NELL2: variants seen among roughly 807,000 people sequenced by gnomAD.
The protein encoded by NELL2 is neural EGFL like 2, also known as protein kinase C-binding protein NELL2.
NELL2 carries 41 observed loss-of-function variants against 109.6 expected under a neutral mutation model. That is an observed-to-expected ratio of 0.37 (90% confidence interval 0.29 to 0.49). The LOEUF is 0.49. NELL2 is among the 20% of genes least tolerant of loss of function. The pLI is 0.98. For synonymous variants in NELL2, 355 were observed against 344.7 expected, an observed-to-expected ratio of 1.03 and a Z score of -0.33; for missense variants, 900 against 1,008.3, an observed-to-expected ratio of 0.89 and a Z score of 1.45.
At chr12:44,868,382 T>C (rs1159134828) in intron 2 of NELL2, among the ~76,000 whole-genome samples, 3 of 152,200 alleles carry the variant, frequency 2.0e-5, no homozygotes, top group African/African-American at 7.2e-5. Flanking sequence ...ACAGATTTAC[T>C]GCGACCCTTA....
intron 13 of NELL2, among the ~76,000 whole-genome samples, chr12:44,664,198 C>T (rs17652016): frequency 0.16 from 25,008 of 151,954 alleles, 2,153 homozygotes; most frequent in East Asian, 0.21. Flanking sequence ...CGTCAAGAAA[C>T]TCTTCCACTC....
chr12:44,717,513 G>A (rs960350898), intron 9 of NELL2, among the ~76,000 whole-genome samples: 2 of 152,148 alleles, frequency 1.3e-5, no homozygotes, highest in Non-Finnish European at 2.9e-5. Context: ...TAATCCATAA[G>A]TTATATGGAA....
chr12:44,815,575 T>C (rs1943317144), intron 3 of NELL2, among the ~76,000 whole-genome samples: 2 of 152,234 alleles, frequency 1.3e-5, no homozygotes, highest in African/African-American at 4.8e-5. Context: ...TTACCTGTGT[T>C]TGTGATTTTT....
chr12:44,796,433 ATT>A lies in NELL2; in HGVS notation c.336-16413_336-16412del, dbSNP rs1942623344. Among the ~76,000 whole-genome samples, 7 of 152,196 alleles carry A rather than the reference ATT, an allele frequency of 4.6e-5. No individual in the cohort carries two copies. The South Asian group carries it at 1.5e-3, about 32-fold the overall frequency. On this transcript the variant is annotated intron_variant, in intron 3 of 19. Coordinates refer to ENST00000429094, the MANE Select transcript of NELL2 (RefSeq NM_001145108.2). ...CAATCAGAACTTCCTGACACAGACC[ATT>A]TTGTTTTTAATTTTAAATAATTTTT...
At position 44,741,569 on chromosome 12, in the gene NELL2, A is replaced by G. The variant is rs144173525; in HGVS notation, c.995-26828T>C. Among the ~76,000 whole-genome samples, 204 of 152,332 alleles carry G rather than the reference A, an allele frequency of 1.3e-3. 4 individuals carry two copies. In the East Asian group the frequency reaches 0.03, roughly 22 times the overall value. ...CCTTTCCTAGTCAAAGAAAGGGGTG[A>G]CAGACGGCACCTGGAAAATTGGGTC... On this transcript the variant is annotated intron_variant, in intron 9 of 19. Coordinates refer to ENST00000429094, the MANE Select transcript of NELL2 (RefSeq NM_001145108.2).
intron 2 of NELL2, among the ~76,000 whole-genome samples, chr12:44,819,262 G>A (rs1436096758): frequency 6.6e-6 from 1 of 152,130 alleles, no homozygotes; most frequent in African/African-American, 2.4e-5. Flanking sequence ...TTCTCTAGTG[G>A]CCATGTGGAA....
At chr12:44,757,582 AATG>A (rs946304152) in intron 9 of NELL2, among the ~76,000 whole-genome samples, 10 of 152,256 alleles carry the variant, frequency 6.6e-5, no homozygotes, top group Middle Eastern at 3.4e-3. Flanking sequence ...TTTTCTTTTT[AATG>A]ATGATAACAC....
chr12:44,650,753 GTCTTTCTTTCTT>G (rs34696718), intron 13 of NELL2, among the ~76,000 whole-genome samples: 4,264 of 150,348 alleles, frequency 0.028, 169 homozygotes, highest in African/African-American at 0.093. Flanking sequence ...AGAGGTCTCT[GTCTTTCTTTCTT>G]TCTTTCTTTC....
intron 13 of NELL2, among the ~76,000 whole-genome samples, chr12:44,622,879 T>C (rs1441981598): frequency 1.3e-5 from 2 of 152,138 alleles, no homozygotes; most frequent in African/African-American, 2.4e-5. Flanking sequence ...AAATACAAGA[T>C]AAAAGATAAT....
upstream of NELL2, among the ~76,000 whole-genome samples, chr12:44,918,604 A>C (rs1945846710): frequency 6.7e-6 from 1 of 148,464 alleles, no homozygotes; most frequent in Admixed American, 6.8e-5. Flanking sequence ...AAGAACCTTA[A>C]TTTTCCTCTT....
intron 3 of NELL2, among the ~76,000 whole-genome samples, chr12:44,792,866 C>T (rs946821512): frequency 4.6e-5 from 7 of 152,054 alleles, no homozygotes; most frequent in East Asian, 1.9e-4. Context: ...TGAGCGATTC[C>T]GAATCTAAAA....
At chr12:44,773,271 C>A (rs528966833) in intron 9 of NELL2, among the ~76,000 whole-genome samples, 2 of 152,048 alleles carry the variant, frequency 1.3e-5, no homozygotes, top group Admixed American at 6.5e-5. Context: ...GTCAGGAGAT[C>A]GAGACCATCC....
chr12:44,685,788 G>C (rs1334320398), intron 12 of NELL2, among the ~76,000 whole-genome samples: 1 of 152,152 alleles, frequency 6.6e-6, no homozygotes, highest in Non-Finnish European at 1.5e-5. Flanking sequence ...GAGATCTGCT[G>C]TTAGTCTGAT....
intron 15 of NELL2, among the ~76,000 whole-genome samples, chr12:44,572,683 T>C (rs1408577523): frequency 6.6e-6 from 1 of 152,168 alleles, no homozygotes; most frequent in Admixed American, 6.6e-5. Flanking sequence ...ATGGGAGATT[T>C]AGTTTAGACG....
chr12:44,737,591 T>C (rs1048083227), intron 9 of NELL2, among the ~76,000 whole-genome samples: 5 of 152,118 alleles, frequency 3.3e-5, no homozygotes, highest in Non-Finnish European at 5.9e-5. Context: ...CCATGGTAAA[T>C]ACATAAGTCC....
At chr12:44,531,347 G>A (rs1476664727) in intron 16 of NELL2, among the ~76,000 whole-genome samples, 1 of 152,168 alleles carries the variant, frequency 6.6e-6, no homozygotes, top group Non-Finnish European at 1.5e-5. Context: ...TATCAGGGAA[G>A]AACAAAGTTC....
At chr12:44,791,343 C>T (rs1000231339) in intron 3 of NELL2, among the ~76,000 whole-genome samples, 11 of 148,438 alleles carry the variant, frequency 7.4e-5, no homozygotes, top group African/African-American at 2.7e-4. Context: ...AACCAGACAT[C>T]CTATGTTCTC....
At chr12:44,722,425 C>G (rs1432980527) in intron 9 of NELL2, among the ~76,000 whole-genome samples, 1 of 152,166 alleles carries the variant, frequency 6.6e-6, no homozygotes, top group African/African-American at 2.4e-5. Flanking sequence ...CTTGACCTCC[C>G]AAAGTGCTGG....
intron 15 of NELL2, among the ~76,000 whole-genome samples, chr12:44,588,038 C>T (rs1198021136): frequency 6.6e-6 from 1 of 151,962 alleles, no homozygotes. Flanking sequence ...GTAGTCCCAG[C>T]CACTCGGGAG....
Sources: allele counts gnomAD v4.1 joint callset (sites outside exome capture counted in the v4.1 genomes callset), GRCh38; gene constraint gnomAD v4.1.1; transcripts MANE v1.5; gene names NCBI Gene and HGNC (gene_info 2026-07-23, HGNC 2026-07-21).